NELL1: variants seen among roughly 807,000 people sequenced by gnomAD.
NELL1 encodes protein kinase C-binding protein NELL1.
In NELL1, 76 loss-of-function variants were observed where a neutral mutation model predicts 107.4. The ratio of observed to expected loss-of-function variants is 0.71; its 90% confidence interval spans 0.59 to 0.86. NELL1 has a LOEUF of 0.86. Ranked by LOEUF, NELL1 falls within the 40% of genes least tolerant of loss-of-function variation. The probability of loss-of-function intolerance (pLI) is 0.00; values close to 1 mark genes in which losing one functional copy is unlikely to be tolerated. For missense variants in NELL1, 1,024 were observed against 1,005.5 expected (o/e 1.02, Z -0.25); for synonymous variants, 353 against 341.2 (o/e 1.03, Z -0.38).
chr11:21,345,556 G>A (rs1217263704), intron 14 of NELL1, among the ~76,000 whole-genome samples: 1 of 152,076 alleles, frequency 6.6e-6, no homozygotes, highest in Non-Finnish European at 1.5e-5. Context: ...AAAGATGCTG[G>A]GACATGAAAA....
intron 16 of NELL1, among the ~76,000 whole-genome samples, chr11:21,539,370 C>T (rs1856230925): frequency 6.6e-6 from 1 of 152,014 alleles, no homozygotes; most frequent in South Asian, 2.1e-4. Flanking sequence ...GTACCCTCTG[C>T]CTTTTCACAA....
At chr11:20,729,880 G>A (rs1413089640) in intron 2 of NELL1, among the ~76,000 whole-genome samples, 1 of 152,180 alleles carries the variant, frequency 6.6e-6, no homozygotes, top group African/African-American at 2.4e-5. Flanking sequence ...GAAATTGGAT[G>A]CACTCAGGAT....
chr11:20,739,977 C>A (rs1855854727), intron 2 of NELL1, among the ~76,000 whole-genome samples: 2 of 152,306 alleles, frequency 1.3e-5, no homozygotes, highest in South Asian at 4.1e-4. Context: ...TTTATTCACT[C>A]AACAAATATT....
chr11:21,456,013 G>A (rs1023172575), intron 15 of NELL1, among the ~76,000 whole-genome samples: 4 of 150,776 alleles, frequency 2.7e-5, no homozygotes, highest in East Asian at 2.0e-4. Flanking sequence ...TCAGCCTCCC[G>A]AGTGAGTAGC....
At chr11:21,432,452 G>A (rs1404167181) in intron 15 of NELL1, among the ~76,000 whole-genome samples, 1 of 152,032 alleles carries the variant, frequency 6.6e-6, no homozygotes, top group Non-Finnish European at 1.5e-5. Context: ...CACAAAATTT[G>A]ACTGAAATCC....
intron 15 of NELL1, among the ~76,000 whole-genome samples, chr11:21,398,487 A>G (rs1445559822): frequency 1.3e-5 from 2 of 151,746 alleles, no homozygotes; most frequent in Non-Finnish European, 2.9e-5. Flanking sequence ...TTGGTGAGAA[A>G]AAAGATCCAA....
intron 14 of NELL1, among the ~76,000 whole-genome samples, chr11:21,315,243 TAG>T (rs1849851286): frequency 6.6e-6 from 1 of 152,116 alleles, no homozygotes; most frequent in Admixed American, 6.6e-5. Context: ...AAGTCAGAAA[TAG>T]ATAAGAGAAA....
intron 15 of NELL1, among the ~76,000 whole-genome samples, chr11:21,495,616 C>T (rs886535627): frequency 1.3e-5 from 2 of 152,110 alleles, no homozygotes; most frequent in African/African-American, 2.4e-5. Context: ...TAATTTTACA[C>T]GCCCACCAGC....
At chr11:21,321,006 A>G (rs570354866) in intron 14 of NELL1, among the ~76,000 whole-genome samples, 1 of 152,312 alleles carries the variant, frequency 6.6e-6, no homozygotes, top group East Asian at 1.9e-4. Context: ...GGCAATCAAT[A>G]CATTCTAGAA....
chr11:20,950,252 C>T (rs890650561), intron 11 of NELL1, among the ~76,000 whole-genome samples: 1 of 152,132 alleles, frequency 6.6e-6, no homozygotes, highest in Non-Finnish European at 1.5e-5. Flanking sequence ...CATGCTAGGG[C>T]CTGCTCTTCC....
intron 13 of NELL1, among the ~76,000 whole-genome samples, chr11:21,197,433 A>C (rs1205138059): frequency 6.7e-6 from 1 of 149,662 alleles, no homozygotes; most frequent in Non-Finnish European, 1.5e-5. Flanking sequence ...AAAAAAAAAA[A>C]AAACTGTAGC....
At chr11:21,348,051 C>A (rs1306357131) in intron 14 of NELL1, among the ~76,000 whole-genome samples, 2 of 152,112 alleles carry the variant, frequency 1.3e-5, no homozygotes, top group African/African-American at 2.4e-5. Context: ...CCTGATGTGG[C>A]TAGAAGCTCC....
At chr11:20,908,357 A>G (rs1590403932) in intron 5 of NELL1, among the ~76,000 whole-genome samples, 1 of 152,248 alleles carries the variant, frequency 6.6e-6, no homozygotes, top group Non-Finnish European at 1.5e-5. Flanking sequence ...CATATACACC[A>G]GGGAGTACTA....
intron 14 of NELL1, among the ~76,000 whole-genome samples, chr11:21,324,885 C>T (rs1850093676): frequency 6.6e-6 from 1 of 152,014 alleles, no homozygotes; most frequent in Admixed American, 6.6e-5. Context: ...ATTTCTTTCT[C>T]CTTGTTTAAA....
chr11:20,887,324 T>C (rs1244708557), intron 5 of NELL1, among the ~76,000 whole-genome samples: 1 of 152,206 alleles, frequency 6.6e-6, no homozygotes, highest in Non-Finnish European at 1.5e-5. Context: ...GGTTTTTGTG[T>C]GAACAGCGGT....
chr11:20,739,673 T>C (rs1323308870), intron 2 of NELL1, among the ~76,000 whole-genome samples: 1 of 152,172 alleles, frequency 6.6e-6, no homozygotes, highest in East Asian at 1.9e-4. Flanking sequence ...TTCAGCTGGA[T>C]AAATTGCCAG....
intron 12 of NELL1, among the ~76,000 whole-genome samples, chr11:21,027,928 G>C (rs1220538571): frequency 6.6e-6 from 1 of 152,164 alleles, no homozygotes; most frequent in Admixed American, 6.6e-5. Context: ...ATGCAATGCT[G>C]AATTGCTGCT....
chr11:20,689,562 T>C (rs1412003619), intron 2 of NELL1, among the ~76,000 whole-genome samples: 1 of 150,020 alleles, frequency 6.7e-6, no homozygotes, highest in Non-Finnish European at 1.5e-5. Context: ...TGCGATAGTT[T>C]ACTGAGAATG....
At chr11:21,493,628 T>C (rs1854893192) in intron 15 of NELL1, among the ~76,000 whole-genome samples, 1 of 151,942 alleles carries the variant, frequency 6.6e-6, no homozygotes, top group African/African-American at 2.4e-5. Context: ...TTAAGAAAGG[T>C]TGATTAGTGA....
Sources: gnomAD v4.1 joint callset for allele counts (sites outside exome capture counted in the v4.1 genomes callset) on GRCh38, gnomAD v4.1.1 for gene constraint, MANE v1.5 for transcripts, NCBI Gene and HGNC (gene_info 2026-07-23, HGNC 2026-07-21) for gene names.